TBC1D15: variants seen among roughly 807,000 people sequenced by gnomAD.
TBC1D15 encodes TBC1 domain family member 15.
In TBC1D15, 39 loss-of-function variants were observed where a neutral mutation model predicts 95.4. The ratio of observed to expected loss-of-function variants is 0.41; its 90% CI spans 0.32 to 0.53. The LOEUF (loss-of-function observed/expected upper bound fraction) is 0.53. Among genes scored for constraint, TBC1D15 ranks in the 20% least tolerant of loss-of-function variants. The probability of loss-of-function intolerance (pLI) is 0.29; values close to 1 mark genes in which losing one functional copy is unlikely to be tolerated. For synonymous variants in TBC1D15, 258 were observed against 261.3 expected (o/e 0.99, Z 0.12); for missense variants, 733 against 794.3 (o/e 0.92, Z 0.93).
In TBC1D15 at chr12:71,848,771, T is replaced by C. The variant is rs200334778; in HGVS notation, c.30+8960T>C. Among the ~76,000 whole-genome samples the C allele has an allele frequency of 1.7e-4, 26 of 152,346 alleles. No individual in the cohort carries two copies. In the East Asian group the frequency reaches 5.0e-3, roughly 29 times the overall value. On this transcript the variant is annotated intron_variant, in intron 1 of 16. Coordinates refer to ENST00000485960, the MANE Select transcript of TBC1D15 (RefSeq NM_001146213.3). ...GTTAATACATAGAGTGCTAGCTTTTTAGTCACCTGAGAATCAGGAAATTCA... is the reference window on the plus strand; with the variant it reads ...GTTAATACATAGAGTGCTAGCTTTTCAGTCACCTGAGAATCAGGAAATTCA...
intron 3 of TBC1D15, among the ~76,000 whole-genome samples, chr12:71,875,010 G>A (rs1191601243): frequency 6.6e-6 from 1 of 151,920 alleles, no homozygotes; most frequent in African/African-American, 2.4e-5. Context: ...TGTGATCTCG[G>A]CTCACTGCAA....
intron 1 of TBC1D15, among the ~76,000 whole-genome samples, chr12:71,862,995 GA>G (rs1157794838): frequency 2.6e-5 from 4 of 152,148 alleles, no homozygotes; most frequent in Non-Finnish European, 5.9e-5. Flanking sequence ...AGCTTTGCTA[GA>G]TATAGTATTC....
chr12:71,862,450 A>G lies in TBC1D15; in HGVS notation c.31-9620A>G, dbSNP rs560072750. On this transcript the variant is annotated intron_variant, in intron 1 of 16. Transcript: ENST00000485960. ...ATAATAACCTTCTTTGTCTCTTTCT[A>G]CAGTTTTTGATTTTTAAGTCTGTTT... 1.5e-3 allele frequency among the ~76,000 whole-genome samples: 224 copies of G among 152,174 alleles called. 1 individual carries two copies. Among genetic ancestry groups the G allele is most frequent in the Admixed American group, 4.0e-3 (61 of 15,278 alleles).
intron 11 of TBC1D15, among the ~76,000 whole-genome samples, chr12:71,909,434 A>G (rs1901625976): frequency 6.6e-6 from 1 of 152,176 alleles, no homozygotes; most frequent in Non-Finnish European, 1.5e-5. Context: ...AAGCAGACAA[A>G]AGAATTTAAG....
intron 6 of TBC1D15, chr12:71,894,457 G>A (rs2138690209): frequency 2.9e-6 from 4 of 1,398,040 alleles, no homozygotes; most frequent in Admixed American, 3.6e-5. Flanking sequence ...TCAATCAGTA[G>A]CATTAACTTG....
At chr12:71,919,055 C>T (rs1868316442) in intron 14 of TBC1D15, among the ~76,000 whole-genome samples, 1 of 152,096 alleles carries the variant, frequency 6.6e-6, no homozygotes, top group Admixed American at 6.6e-5. Flanking sequence ...GAGCATAGTA[C>T]CCAATAGGTA....
At chr12:71,846,820 G>T (rs947570488) in intron 1 of TBC1D15, among the ~76,000 whole-genome samples, 1 of 142,364 alleles carries the variant, frequency 7.0e-6, no homozygotes, top group African/African-American at 2.6e-5. Flanking sequence ...AGAGTGTAGT[G>T]TGTGATCTCG....
At chr12:71,875,866 C>T (rs988241802) in intron 3 of TBC1D15, among the ~76,000 whole-genome samples, 1 of 151,996 alleles carries the variant, frequency 6.6e-6, no homozygotes, top group African/African-American at 2.4e-5. Context: ...GGCATGATCT[C>T]GGCTCACTGA....
intron 12 of TBC1D15, among the ~76,000 whole-genome samples, chr12:71,915,264 T>C (rs1020708712): frequency 2.0e-5 from 3 of 151,976 alleles, no homozygotes; most frequent in African/African-American, 7.2e-5. Context: ...CCTTGTGTTT[T>C]TGTTGTTTAT....
At chr12:71,921,277 G>C in intron 15 of TBC1D15, 91 bp from the exon 16 acceptor site, 1 of 584,860 alleles carries the variant, frequency 1.7e-6, no homozygotes, top group South Asian at 5.3e-5. Context: ...TTTATCTGCA[G>C]TGAAATATAA....
intron 3 of TBC1D15, among the ~76,000 whole-genome samples, chr12:71,873,859 C>G (rs1276192096): frequency 6.6e-6 from 1 of 152,166 alleles, no homozygotes; most frequent in African/African-American, 2.4e-5. Context: ...GTTCTGGAGA[C>G]TAGAAGTCAG....
chr12:71,854,482 T>C (rs1414316553), intron 1 of TBC1D15: 2 of 450,916 alleles, frequency 4.4e-6, no homozygotes, highest in African/African-American at 2.0e-5. Flanking sequence ...ACTCTTAAGA[T>C]GGTTTTTTCT....
At chr12:71,906,498 G>A (rs1287990336) in intron 10 of TBC1D15, among the ~76,000 whole-genome samples, 1 of 152,104 alleles carries the variant, frequency 6.6e-6, no homozygotes, top group African/African-American at 2.4e-5. Flanking sequence ...AAATGTTGTA[G>A]ATATGAAAAT....
At chr12:71,896,475 G>T (rs971290628) in intron 8 of TBC1D15, 1 of 558,308 alleles carries the variant, frequency 1.8e-6, no homozygotes, top group African/African-American at 2.0e-5. Flanking sequence ...ACTGTATTCT[G>T]TGCACTGTTT....
intron 5 of TBC1D15, among the ~76,000 whole-genome samples, chr12:71,888,410 C>A (rs912909550): frequency 4.0e-5 from 6 of 150,182 alleles, no homozygotes; most frequent in Non-Finnish European, 1.5e-5. Flanking sequence ...AGGTTGCAGT[C>A]AGCTGAGATC....
chr12:71,888,258 C>T (rs1896608731), intron 5 of TBC1D15, among the ~76,000 whole-genome samples: 2 of 152,070 alleles, frequency 1.3e-5, no homozygotes, highest in South Asian at 2.1e-4. Context: ...CTGAGGTGGG[C>T]GGATCACTTG....
chr12:71,850,369 G>A (rs1482752843), intron 1 of TBC1D15: 1 of 333,652 alleles, frequency 3.0e-6, no homozygotes, highest in South Asian at 2.7e-5. Flanking sequence ...TGGAGCCGGC[G>A]GGGTTCGCAC....
At chr12:71,841,833 C>CT (rs1249523085) in intron 1 of TBC1D15, among the ~76,000 whole-genome samples, 1 of 152,162 alleles carries the variant, frequency 6.6e-6, no homozygotes, top group African/African-American at 2.4e-5. Context: ...AAACTCTTCA[C>CT]TTTTTTATCG....
intron 4 of TBC1D15, among the ~76,000 whole-genome samples, chr12:71,883,509 G>A (rs73336832): frequency 0.027 from 4,180 of 152,202 alleles, 193 homozygotes; most frequent in African/African-American, 0.094. Context: ...TGGTTTCCTT[G>A]CAGATAGAGG....
Sources: gnomAD v4.1 joint callset for allele counts (sites outside exome capture counted in the v4.1 genomes callset) on GRCh38, gnomAD v4.1.1 for gene constraint, MANE v1.5 for transcripts, NCBI Gene and HGNC (gene_info 2026-07-23, HGNC 2026-07-21) for gene names.